SNPH: variants seen among roughly 807,000 people sequenced by gnomAD.
The protein encoded by SNPH is syntaphilin.
A neutral mutation model predicts 36.8 loss-of-function variants in SNPH; 10 were observed. That is an observed-to-expected ratio of 0.27 (90% CI 0.17 to 0.46). The LOEUF is 0.46. Among genes scored for constraint, SNPH ranks in the 20% least tolerant of loss-of-function variants. The pLI, the probability that SNPH is intolerant of heterozygous loss-of-function variation, is 1.00. For missense variants in SNPH, 622 were observed against 744.0 expected, an observed-to-expected ratio of 0.84 and a Z score of 1.91; for synonymous variants, 281 against 312.2, an observed-to-expected ratio of 0.90 and a Z score of 1.05.
intron 2 of SNPH, among the ~76,000 whole-genome samples, chr20:1,290,166 C>T (rs1319675707): frequency 1.3e-5 from 2 of 150,946 alleles, no homozygotes; most frequent in East Asian, 1.9e-4. Context: ...GAGCTGAGAT[C>T]GTGCCACTGC....
At chr20:1,291,056 C>T (rs1039936099) in intron 2 of SNPH, among the ~76,000 whole-genome samples, 1 of 152,216 alleles carries the variant, frequency 6.6e-6, no homozygotes, top group Non-Finnish European at 1.5e-5. Flanking sequence ...CCACCCCTCC[C>T]AGTAGGTGCA....
In SNPH at chr20:1,266,468, G is replaced by C; in HGVS notation, c.-600+71G>C. The stretch of plus-strand genomic sequence containing the variant: ...CACCCGCCGCAGTCCAGAGTGCCGA[G>C]TGCCAGGGGGTGGGGTGGGGGCCGC... On this transcript the variant is annotated intron_variant, in intron 1 of 6. Transcript: ENST00000381867. This position sits in a 1 kb window ranked among gnomAD's most constrained non-coding sequence, Gnocchi z 6.0. 1 of 816,384 alleles carries C rather than the reference G, an allele frequency of 1.2e-6. No individual in the cohort carries two copies. The highest frequency in any genetic ancestry group is 1.7e-6 in the Non-Finnish European group (1 of 573,702). The allele number at this position is 816,384 out of a possible 1,614,324, so 50.6% of individuals were successfully genotyped here.
chr20:1,289,821 C>A (rs756282167), intron 2 of SNPH, among the ~76,000 whole-genome samples: 31 of 152,046 alleles, frequency 2.0e-4, no homozygotes, highest in East Asian at 3.9e-4. Flanking sequence ...CAGAGTAAGA[C>A]CCTGGCTCTA....
intron 5 of SNPH, among the ~76,000 whole-genome samples, chr20:1,297,658 G>A (rs528631329): frequency 7.9e-4 from 120 of 152,318 alleles, no homozygotes; most frequent in African/African-American, 2.7e-3. Flanking sequence ...AGGAACAGGT[G>A]GAAAGGACCA....
chr20:1,279,561 A>ATGAG (rs2088190257), intron 2 of SNPH, among the ~76,000 whole-genome samples: 1 of 150,454 alleles, frequency 6.6e-6, no homozygotes, highest in African/African-American at 2.4e-5. Flanking sequence ...CTCAGTGTGT[A>ATGAG]TGAGTGAGTG....
chr20:1,301,259 G>A (rs1214081803), intron 6 of SNPH, among the ~76,000 whole-genome samples: 1 of 152,060 alleles, frequency 6.6e-6, no homozygotes. Context: ...TGTCTCCCAG[G>A]AGCCCCCGCA....
chr20:1,305,243 G>T lies in SNPH; in HGVS notation c.806G>T (p.Gly269Val), dbSNP rs1460130331. 1.2e-6 allele frequency: 2 copies of T among 1,610,958 alleles called. No individual in the cohort carries two copies. Among genetic ancestry groups the T allele is most frequent in the Non-Finnish European group, 1.7e-6 (2 of 1,179,760 alleles). The change falls in exon 7 of 7, where the codon GGT becomes GTT. Residue 269 changes from glycine to valine, a missense_variant. Gly to Val is a moderately radical substitution (Grantham distance 109, BLOSUM62 -3). Transcript: ENST00000381867. ...AAGCTGAGTGACCCGGCTGTCTGTG[G>T]TGACCGCCAGCCGGGTGATCCCTCC... ...YTKLSDPAVC[G>V]DRQPGDPSSG... is the part of the protein sequence containing the mutation.
In SNPH at chr20:1,295,787, C is replaced by T. The variant is rs540014609; in HGVS notation, c.-453C>T. The T allele has an allele frequency of 1.8e-5, 3 of 164,666 alleles. No homozygotes were observed. The highest frequency in any genetic ancestry group is 1.3e-4 in the Admixed American group (2 of 15,526). 10.2% of individuals were successfully genotyped at this position (164,666 alleles called of 1,614,324 possible). ...TGTCTCCCCTGTAGACGGGAAGCCC[C>T]GAACCACGGGCCAACTGGGAAGTTG... is the stretch of plus-strand genomic sequence containing the variant. On this transcript the variant is annotated 5_prime_UTR_variant, in exon 4 of 7. Transcript: ENST00000381867.
At position 1,297,147 on chromosome 20, in the gene SNPH, G is replaced by C. The variant is rs567531133; in HGVS notation, c.185G>C (p.Arg62Pro). Residue 62 changes from arginine to proline, a missense_variant and splice_region_variant, in exon 5 of 7, where the codon CGC (arginine) becomes CCC (proline). This residue lies in a region of SNPH where 187 missense variants were observed against 209.4 expected (regional missense o/e 0.89). Coordinates refer to ENST00000381867, the MANE Select transcript of SNPH (RefSeq NM_001318234.2). ...SRRTSAGSRR[R>P]TSPPVSVRDA... ...CTGCCTCTTCTTCCTGCCTCCAGGC[G>C]CACCTCTCCACCTGTGAGCGTGCGG... 5 of 1,611,276 alleles carry C rather than the reference G, an allele frequency of 3.1e-6. No homozygotes were observed. Among genetic ancestry groups the C allele is most frequent in the Non-Finnish European group, 3.4e-6 (4 of 1,178,586 alleles).
chr20:1,271,623 G>A (rs936548036), intron 2 of SNPH, among the ~76,000 whole-genome samples: 3 of 152,144 alleles, frequency 2.0e-5, no homozygotes, highest in Admixed American at 6.5e-5. Flanking sequence ...CTTCTGTTCT[G>A]TAATGACTTT....
Position 1,294,690 on chromosome 20 carries a change from G to C in SNPH, c.-492-261G>C, listed in dbSNP as rs569624708. ...CCCCGCCAGGAAACAGGCCATCTGA[G>C]TAGTGCCTTTGTCCACTCAGGAGGC... On this transcript the variant is annotated intron_variant, in intron 2 of 6. Coordinates refer to ENST00000381867, the MANE Select transcript of SNPH (RefSeq NM_001318234.2). This position sits in a 1 kb window ranked among gnomAD's most constrained non-coding sequence, Gnocchi z 4.4. Among the ~76,000 whole-genome samples the C allele has an allele frequency of 6.6e-6, 1 of 152,212 alleles. No homozygotes were observed. Among genetic ancestry groups the C allele is most frequent in the Non-Finnish European group, 1.5e-5 (1 of 68,036 alleles).
intron 2 of SNPH, among the ~76,000 whole-genome samples, chr20:1,279,618 C>CTTTTTTT (rs1162325274): frequency 0.12 from 15,218 of 121,972 alleles, 1,179 homozygotes; most frequent in Non-Finnish European, 0.16. Flanking sequence ...ACTCCGGCTT[C>CTTTTTTT]TTTTTTTTTT....
intron 6 of SNPH, among the ~76,000 whole-genome samples, 181 bp downstream of exon 6, chr20:1,300,892 T>G (rs2088499363): frequency 6.6e-6 from 1 of 152,174 alleles, no homozygotes; most frequent in Non-Finnish European, 1.5e-5. Context: ...CCCCAGCAGC[T>G]ACTCACCTTG....
intron 4 of SNPH, among the ~76,000 whole-genome samples, chr20:1,296,891 TGCCCTGCA>T (rs1279772967): frequency 6.6e-6 from 1 of 152,214 alleles, no homozygotes. Context: ...GCCCCACCCT[TGCCCTGCA>T]GCCCTGCCGG....
intron 2 of SNPH, among the ~76,000 whole-genome samples, chr20:1,267,113 G>A (rs2088015930): frequency 6.6e-6 from 1 of 152,060 alleles, no homozygotes; most frequent in Admixed American, 6.5e-5. Flanking sequence ...AGGAGCAGGG[G>A]TACCTGGGGG....
intron 2 of SNPH, among the ~76,000 whole-genome samples, chr20:1,283,137 C>A (rs1173420048): frequency 6.6e-6 from 1 of 152,168 alleles, no homozygotes; most frequent in East Asian, 1.9e-4. Flanking sequence ...CCCCACCAGC[C>A]TTTTCCTGAA....
At chr20:1,282,470 A>G (rs1302669888) in intron 2 of SNPH, among the ~76,000 whole-genome samples, 1 of 152,258 alleles carries the variant, frequency 6.6e-6, no homozygotes, top group East Asian at 1.9e-4. Context: ...TGCCACGGCT[A>G]TAACTGTGTA....
intron 2 of SNPH, among the ~76,000 whole-genome samples, chr20:1,267,766 C>T (rs1037941890): frequency 6.6e-6 from 1 of 152,186 alleles, no homozygotes; most frequent in Non-Finnish European, 1.5e-5. Flanking sequence ...ACTCTGACTT[C>T]TTAAGTGAAA....
chr20:1,304,741 CCTT>C lies in SNPH; in HGVS notation c.441-134_441-132del, dbSNP rs2088544939. The C allele has an allele frequency of 8.2e-6, 6 of 727,388 alleles. No homozygotes were observed. The highest frequency in any genetic ancestry group is 1.4e-5 in the Non-Finnish European group (6 of 440,222). The allele number at this position is 727,388 out of a possible 1,614,324, so 45.1% of individuals were successfully genotyped here. On this transcript the variant is annotated intron_variant, in intron 6 of 6. Coordinates refer to ENST00000381867, the MANE Select transcript of SNPH (RefSeq NM_001318234.2). This position sits in a 1 kb window ranked among gnomAD's most constrained non-coding sequence, Gnocchi z 4.3. The stretch of plus-strand genomic sequence containing the variant: ...TATAATAAGAAGGCATTGAGTTTGT[CCTT>C]CTGTTTTGGGTTCTGAGCCACAGCA...
Sources: gnomAD v4.1 joint callset for allele counts (sites outside exome capture counted in the v4.1 genomes callset) on GRCh38, gnomAD v4.1.1 for gene constraint, gnomAD v4.1.1 regional missense constraint, Gnocchi (gnomAD v3.1) non-coding constraint, MANE v1.5 for transcripts, NCBI Gene and HGNC (gene_info 2026-07-23, HGNC 2026-07-21) for gene names.